The following FGF13 variants were observed in gnomAD, a reference collection of about 807,000 sequenced individuals.
FGF13 encodes the protein fibroblast growth factor homologous factor 2.
A neutral mutation model predicts 19.5 loss-of-function variants in FGF13; 2 were observed. That is an observed-to-expected ratio of 0.10 (90% CI 0.04 to 0.32). FGF13 has a LOEUF of 0.32. Among genes scored for constraint, FGF13 ranks in the 10% least tolerant of loss-of-function variants. The probability of loss-of-function intolerance (pLI) is 1.00; values close to 1 mark genes in which losing one functional copy is unlikely to be tolerated. For synonymous variants in FGF13, 72 were observed against 76.9 expected, an observed-to-expected ratio of 0.94 and a Z score of 0.33; for missense variants, 113 against 192.7, an observed-to-expected ratio of 0.59 and a Z score of 2.45.
At chrX:138,831,910 A>G (rs1017121116) in intron 3 of FGF13, among the ~76,000 whole-genome samples, 1 of 111,522 alleles carries the variant, frequency 9.0e-6, no homozygotes, top group African/African-American at 3.3e-5. Flanking sequence ...GCTCCCACTT[A>G]TAAGTGAGAA....
upstream of FGF13, among the ~76,000 whole-genome samples, chrX:138,740,033 G>A (rs936714207): frequency 8.9e-6 from 1 of 112,076 alleles, no homozygotes; most frequent in Non-Finnish European, 1.9e-5. Context: ...ACTCAATAGT[G>A]TTAATATAGG....
chrX:138,744,681 A>G (rs953976852), intron 3 of FGF13, among the ~76,000 whole-genome samples: 1 of 111,447 alleles, frequency 9.0e-6, no homozygotes, highest in African/African-American at 3.3e-5. Flanking sequence ...CTTACAATGT[A>G]TCAGGACCTT....
At chrX:138,762,302 T>G (rs775499897) in intron 3 of FGF13, among the ~76,000 whole-genome samples, 56 of 111,215 alleles carry the variant, frequency 5.0e-4, no homozygotes, top group African/African-American at 1.8e-3. Flanking sequence ...GTGGAAGAAT[T>G]TCATAGCCGT....
chrX:138,932,581 G>T (rs373565274), intron 1 of FGF13, among the ~76,000 whole-genome samples: 1 of 110,330 alleles, frequency 9.1e-6, no homozygotes, highest in Admixed American at 9.6e-5. Flanking sequence ...CAGCTTGGGC[G>T]ACAGAGACCG....
intron 3 of FGF13, among the ~76,000 whole-genome samples, chrX:138,822,483 T>C (rs1438942336): frequency 9.0e-6 from 1 of 111,159 alleles, no homozygotes; most frequent in East Asian, 2.8e-4. Context: ...AAGGGACCAT[T>C]TAAAGAAGTA....
intron 1 of FGF13, among the ~76,000 whole-genome samples, chrX:139,021,567 C>T (rs930483358): frequency 9.0e-6 from 1 of 110,714 alleles, no homozygotes; most frequent in Non-Finnish European, 1.9e-5. Flanking sequence ...CATATAGAAC[C>T]CTGCACCCAG....
At chrX:138,940,992 G>A (rs1415067369) in intron 1 of FGF13, among the ~76,000 whole-genome samples, 1 of 111,343 alleles carries the variant, frequency 9.0e-6, no homozygotes, top group Non-Finnish European at 1.9e-5. Flanking sequence ...TGCAGAGAAG[G>A]CCTTCAATAA....
chrX:138,694,607 A>C (rs1176183214), intron 3 of FGF13, among the ~76,000 whole-genome samples: 2 of 105,095 alleles, frequency 1.9e-5, no homozygotes, highest in East Asian at 5.9e-4. Flanking sequence ...CCTGCCACCA[A>C]GCCCGGCTAA....
rs998917585 is a variant in FGF13 at position 138,711,693 on chromosome X, C to T, written c.-690G>A. On this transcript the variant is annotated 5_prime_UTR_variant, in exon 1 of 5. Transcript: ENST00000315930. ...TCGCAGCACAGGAATTCAGCCGCCG[C>T]AGGCACCCTCCGGAACAGCGCGACA... 1.3e-6 allele frequency: 1 copy of T among 754,369 alleles called. No individual in the cohort carries two copies. The highest frequency in any genetic ancestry group is 2.3e-5 in the African/African-American group (1 of 43,913). 62.2% of individuals were successfully genotyped at this position (754,369 alleles called of 1,213,427 possible). A position where few individuals can be genotyped will look rare whatever the true frequency, so the allele number is the denominator to read the frequency against.
intron 1 of FGF13, among the ~76,000 whole-genome samples, chrX:139,091,195 T>A (rs1221325422): frequency 2.7e-5 from 3 of 110,669 alleles, no homozygotes; most frequent in African/African-American, 9.9e-5. Context: ...TGGGTCAGAA[T>A]CCTAGAACTA....
intron 1 of FGF13, among the ~76,000 whole-genome samples, chrX:138,877,842 G>A (rs1424457867): frequency 8.9e-6 from 1 of 112,162 alleles, no homozygotes; most frequent in Non-Finnish European, 1.9e-5. Context: ...GGATTCTCAG[G>A]TTGTTTCCAC....
At position 139,195,048 on chromosome X, in the gene FGF13, T is replaced by C. The variant is rs180946842; in HGVS notation, c.-113+8368A>G. On this transcript the variant is annotated intron_variant, in intron 1 of 2. Transcript: ENST00000421460. ...AGTTTCACCTTCGGTGACACAACTT[T>C]TCCGTGTTTCTTTTTTAGGCAGCTG... is the stretch of plus-strand genomic sequence containing the variant. Among the ~76,000 whole-genome samples, 339 of 112,076 alleles carry C rather than the reference T, an allele frequency of 3.0e-3. 4 individuals carry two copies. Among genetic ancestry groups the C allele is most frequent in the Admixed American group, 0.024 (254 of 10,697 alleles).
At chrX:139,119,907 T>C (rs1828526413) in intron 1 of FGF13, among the ~76,000 whole-genome samples, 1 of 112,378 alleles carries the variant, frequency 8.9e-6, no homozygotes, top group Admixed American at 9.4e-5. Context: ...CCACAACTAG[T>C]GATATGGTTT....
intron 1 of FGF13, among the ~76,000 whole-genome samples, chrX:138,874,499 T>C (rs938479996): frequency 9.0e-6 from 1 of 111,649 alleles, no homozygotes; most frequent in Non-Finnish European, 1.9e-5. Flanking sequence ...ACAAGCTTAC[T>C]ATATATGAGA....
At chrX:138,896,267 C>T (rs1339914521) in intron 1 of FGF13, among the ~76,000 whole-genome samples, 3 of 111,131 alleles carry the variant, frequency 2.7e-5, no homozygotes, top group East Asian at 2.8e-4. Context: ...TATCTCAAAA[C>T]GTCACATTGT....
upstream of FGF13, chrX:138,711,722 T>TCCTTGCAGCCC: frequency 1.3e-6 from 1 of 748,571 alleles, no homozygotes; most frequent in Non-Finnish European, 1.6e-6. Flanking sequence ...CGCGACAGCC[T>TCCTTGCAGCCC]CCTTGCAGCC....
chrX:139,108,428 CG>C (rs759573562), intron 1 of FGF13, among the ~76,000 whole-genome samples: 30 of 111,286 alleles, frequency 2.7e-4, no homozygotes, highest in South Asian at 2.7e-3. Flanking sequence ...GAGGAAAAAA[CG>C]TAAGAGACTC....
At chrX:139,157,366 C>T (rs1360714004) in intron 1 of FGF13, among the ~76,000 whole-genome samples, 1 of 111,725 alleles carries the variant, frequency 9.0e-6, no homozygotes, top group Non-Finnish European at 1.9e-5. Context: ...TCTGAGAGAC[C>T]TCTGCTATGG....
intron 1 of FGF13, among the ~76,000 whole-genome samples, chrX:139,141,014 T>C (rs2083838715): frequency 9.3e-6 from 1 of 108,106 alleles, no homozygotes; most frequent in South Asian, 4.1e-4. Flanking sequence ...AATGCCAGCT[T>C]TTCCTCGAGG....
Sources: allele counts gnomAD v4.1 joint callset (sites outside exome capture counted in the v4.1 genomes callset), GRCh38; gene constraint gnomAD v4.1.1; transcripts MANE v1.5; gene names NCBI Gene and HGNC (gene_info 2026-07-23, HGNC 2026-07-21).